The following REPS2 variants were observed in gnomAD, a reference collection of about 807,000 sequenced individuals.
REPS2 encodes the protein ralBP1-associated Eps domain-containing protein 2.
Under a neutral mutation model 53.6 loss-of-function variants are expected in REPS2, and 23 were observed. That is an observed-to-expected ratio of 0.43 (90% CI 0.31 to 0.61). REPS2 has a LOEUF of 0.61. REPS2 is among the 20% of genes least tolerant of loss of function. REPS2 has a pLI of 0.11. For missense variants in REPS2, 446 were observed against 534.9 expected (o/e 0.83, Z 1.64); for synonymous variants, 238 against 218.6 (o/e 1.09, Z -0.78).
chrX:17,124,383 G>A (rs2063180507), intron 14 of REPS2, among the ~76,000 whole-genome samples: 1 of 112,015 alleles, frequency 8.9e-6, no homozygotes, highest in South Asian at 3.7e-4. Flanking sequence ...ATCATGTTCT[G>A]TCTCTCACAG....
chrX:17,004,506 G>A (rs759783227), intron 1 of REPS2, among the ~76,000 whole-genome samples: 223 of 106,381 alleles, frequency 2.1e-3, no homozygotes, highest in African/African-American at 7.2e-3. Context: ...ATTTCAGAAC[G>A]TTCTTGGTAT....
chrX:17,172,370 A>G, the REPS2 span, among the ~76,000 whole-genome samples: 1 of 111,188 alleles, frequency 9.0e-6, no homozygotes, highest in African/African-American at 3.3e-5. Flanking sequence ...GTGAGTTCTC[A>G]TGAGATCTGG....
intron 14 of REPS2, among the ~76,000 whole-genome samples, chrX:17,109,373 G>A (rs1480364099): frequency 9.0e-6 from 1 of 111,498 alleles, no homozygotes; most frequent in Non-Finnish European, 1.9e-5. Flanking sequence ...CTGAAGTGCA[G>A]CCAGAGTTGA....
At chrX:16,968,633 G>A (rs1246801434) in intron 1 of REPS2, among the ~76,000 whole-genome samples, 2 of 103,569 alleles carry the variant, frequency 1.9e-5, no homozygotes, top group Admixed American at 2.0e-4. Flanking sequence ...TGGGGCGGCT[G>A]GCCGGGCGGG....
intron 6 of REPS2, among the ~76,000 whole-genome samples, chrX:17,050,160 T>TCC (rs2061967078): frequency 7.2e-5 from 3 of 41,566 alleles, no homozygotes; most frequent in Admixed American, 9.3e-4. Context: ...CTTTCTTTCT[T>TCC]TCTTTCTTTC....
the REPS2 span, among the ~76,000 whole-genome samples, chrX:17,194,551 G>C: frequency 1.2e-3 from 134 of 112,035 alleles, no homozygotes; most frequent in African/African-American, 4.2e-3. Context: ...ATGGAAAACA[G>C]ATTAATGGTT....
chrX:16,965,401 C>T (rs1170798883), intron 1 of REPS2, among the ~76,000 whole-genome samples: 43 of 112,213 alleles, frequency 3.8e-4, no homozygotes, highest in Non-Finnish European at 6.4e-4. Flanking sequence ...AGGTGGCTGC[C>T]GGGCGGAGAC....
At chrX:17,126,756 G>C (rs994967340) in intron 14 of REPS2, among the ~76,000 whole-genome samples, 1 of 111,483 alleles carries the variant, frequency 9.0e-6, no homozygotes, top group African/African-American at 3.3e-5. Context: ...ACACAGTTGT[G>C]CCCATTCATC....
At chrX:16,983,874 A>T (rs947462333) in intron 1 of REPS2, among the ~76,000 whole-genome samples, 2 of 112,649 alleles carry the variant, frequency 1.8e-5, no homozygotes, top group Admixed American at 1.9e-4. Flanking sequence ...CACATGGCTT[A>T]TAAGTGGTGG....
intron 14 of REPS2, among the ~76,000 whole-genome samples, chrX:17,105,644 C>T (rs748644716): frequency 9.0e-6 from 1 of 111,485 alleles, no homozygotes; most frequent in African/African-American, 3.3e-5. Context: ...AACAGTGAGC[C>T]CAGTACTCAG....
In REPS2 at chrX:17,055,609, A is replaced by G. The variant is rs757670680; in HGVS notation, c.1114+659A>G. Among the ~76,000 whole-genome samples, 8 of 104,458 alleles carry G rather than the reference A, an allele frequency of 7.7e-5. No homozygotes were observed. In the South Asian group the frequency reaches 3.3e-3, roughly 43 times the overall value. The allele number at this position is 104,458 out of a possible 115,157, so 90.7% of individuals were successfully genotyped here. A position where few individuals can be genotyped will look rare whatever the true frequency, so the allele number is the denominator to read the frequency against. On this transcript the variant is annotated intron_variant, in intron 8 of 17. Transcript: ENST00000357277. ...CCCAGCACCATTTATTAAATAGGGA[A>G]TCCTTTCCCCATTGCTTGTTTTTCT...
At chrX:17,039,768 C>T (rs1337259869) in intron 5 of REPS2, among the ~76,000 whole-genome samples, 1 of 112,040 alleles carries the variant, frequency 8.9e-6, no homozygotes, top group Non-Finnish European at 1.9e-5. Flanking sequence ...AAATTACTTC[C>T]CTTACCTAAT....
chrX:16,956,545 A>G (rs2060600237), intron 1 of REPS2, among the ~76,000 whole-genome samples: 2 of 111,685 alleles, frequency 1.8e-5, no homozygotes, highest in Non-Finnish European at 3.8e-5. Context: ...GTCAAATGAC[A>G]GCAATGCTGC....
intron 1 of REPS2, among the ~76,000 whole-genome samples, chrX:16,955,022 A>G (rs1186468502): frequency 3.7e-5 from 4 of 109,405 alleles, no homozygotes; most frequent in East Asian, 2.9e-4. Flanking sequence ...CATGTTGACT[A>G]GGCTGGTCTT....
intron 7 of REPS2, among the ~76,000 whole-genome samples, chrX:17,053,267 T>C (rs1357848617): frequency 8.9e-6 from 1 of 112,391 alleles, no homozygotes; most frequent in Non-Finnish European, 1.9e-5. Flanking sequence ...TGCATGTCAA[T>C]GTATCTGGGA....
At chrX:16,980,816 C>A (rs1186524996) in intron 1 of REPS2, among the ~76,000 whole-genome samples, 2 of 112,051 alleles carry the variant, frequency 1.8e-5, no homozygotes, top group Admixed American at 1.9e-4. Flanking sequence ...ACGTTAAGAA[C>A]CCTGTTCCAA....
At chrX:17,069,523 C>G (rs1295869057) in intron 10 of REPS2, among the ~76,000 whole-genome samples, 1 of 112,266 alleles carries the variant, frequency 8.9e-6, no homozygotes, top group Non-Finnish European at 1.9e-5. Context: ...AGCGTGTACT[C>G]TGACCATTCT....
chrX:17,160,988 A>G, the REPS2 span, among the ~76,000 whole-genome samples: 1 of 112,176 alleles, frequency 8.9e-6, no homozygotes, highest in African/African-American at 3.2e-5. Context: ...TAGGGATTAT[A>G]TCCTGAGCCA....
At chrX:17,159,475 G>A in the REPS2 span, among the ~76,000 whole-genome samples, 1 of 111,227 alleles carries the variant, frequency 9.0e-6, no homozygotes, top group African/African-American at 3.3e-5. Flanking sequence ...TGGCCTGAAG[G>A]ATGGCACCCT....
Sources: allele counts gnomAD v4.1 joint callset (sites outside exome capture counted in the v4.1 genomes callset), GRCh38; gene constraint gnomAD v4.1.1; transcripts MANE v1.5; gene names NCBI Gene and HGNC (gene_info 2026-07-23, HGNC 2026-07-21).